The following NDUFAF6 variants were observed in gnomAD, a reference collection of about 807,000 sequenced individuals.
The protein encoded by NDUFAF6 is NADH:ubiquinone oxidoreductase complex assembly factor 6.
Under a neutral mutation model 40.8 loss-of-function variants are expected in NDUFAF6, and 45 were observed. The observed-to-expected ratio is 1.10, with a 90% CI of 0.87 to 1.42. The LOEUF is 1.42. Among genes scored for constraint, NDUFAF6 ranks in the 40% most tolerant of loss-of-function variants. The probability of loss-of-function intolerance (pLI) is 0.00; values close to 1 mark genes in which losing one functional copy is unlikely to be tolerated. For missense variants in NDUFAF6, 435 were observed against 418.5 expected (o/e 1.04, Z -0.34); for synonymous variants, 185 against 155.9 (o/e 1.19, Z -1.39).
chr8:95,109,068 T>G (rs928312587), intron 4 of NDUFAF6, among the ~76,000 whole-genome samples: 1 of 152,154 alleles, frequency 6.6e-6, no homozygotes, highest in African/African-American at 2.4e-5. Flanking sequence ...TGGGTGGAGT[T>G]AGATATAGAA....
chr8:95,021,309 A>C (rs1305442082), upstream of NDUFAF6, among the ~76,000 whole-genome samples: 1 of 152,260 alleles, frequency 6.6e-6, no homozygotes, highest in Non-Finnish European at 1.5e-5. Context: ...AGGACAATCC[A>C]GAAAGAGGGA....
At chr8:94,986,041 T>C (rs1825878687) in intron 2 of NDUFAF6, among the ~76,000 whole-genome samples, 1 of 151,924 alleles carries the variant, frequency 6.6e-6, no homozygotes, top group Non-Finnish European at 1.5e-5. Context: ...GCCCGGCTAA[T>C]TTTTCATGTT....
Position 95,019,159 on chromosome 8 carries a change from C to T in NDUFAF6, c.-83-12836C>T, listed in dbSNP as rs543783690. ...CCAAGTAGCTGGGACTACAGGTTTG[C>T]GCCACCATGCCCAGTTAATTTTTGT... is the stretch of plus-strand genomic sequence containing the variant. On this transcript the variant is annotated intron_variant, in intron 2 of 9. Transcript: ENST00000396111. Among the ~76,000 whole-genome samples, 384 of 152,250 alleles carry T rather than the reference C, an allele frequency of 2.5e-3. 4 individuals are homozygous for T. The highest frequency in any genetic ancestry group is 8.8e-3 in the African/African-American group (365 of 41,540).
At chr8:94,975,043 C>T (rs2131550867) in intron 1 of NDUFAF6, among the ~76,000 whole-genome samples, 1 of 152,340 alleles carries the variant, frequency 6.6e-6, no homozygotes, top group African/African-American at 2.4e-5. Context: ...CCTTTCTCAG[C>T]CCACCAACAT....
At chr8:94,972,435 C>T (rs1272601832) in intron 1 of NDUFAF6, among the ~76,000 whole-genome samples, 20 of 151,974 alleles carry the variant, frequency 1.3e-4, no homozygotes, top group African/African-American at 4.1e-4. Flanking sequence ...TATGGGGTTT[C>T]GCCATGTTGG....
At chr8:94,896,328 C>T (rs1406636634) in intron 1 of NDUFAF6, 1 of 149,506 alleles carries the variant, frequency 6.7e-6, no homozygotes, top group Non-Finnish European at 1.5e-5. Context: ...CGCGGGAGGG[C>T]GCCGTTCGCG....
At position 95,053,338 on chromosome 8, in the gene NDUFAF6, T is replaced by G. The variant is rs537056021; in HGVS notation, c.873+1108T>G. On this transcript the variant is annotated intron_variant, in intron 8 of 8. Transcript: ENST00000396124. ...TCATATACATATAATCATACATGTATTTTGTGTATGTCAACATGTTATTCT... is the reference window on the plus strand; with the variant it reads ...TCATATACATATAATCATACATGTAGTTTGTGTATGTCAACATGTTATTCT... 3.3e-5 allele frequency among the ~76,000 whole-genome samples: 5 copies of G among 152,332 alleles called. No individual in the cohort carries two copies. The East Asian group carries it at 9.6e-4, about 29-fold the overall frequency.
chr8:95,004,480 A>G (rs1826873576), intron 2 of NDUFAF6, among the ~76,000 whole-genome samples: 1 of 150,826 alleles, frequency 6.6e-6, no homozygotes, highest in South Asian at 2.1e-4. Context: ...CCTCCCAAGT[A>G]ACTAGGACTA....
intron 2 of NDUFAF6, among the ~76,000 whole-genome samples, chr8:94,996,585 G>A (rs757164395): frequency 2.6e-5 from 4 of 152,168 alleles, no homozygotes; most frequent in Non-Finnish European, 5.9e-5. Flanking sequence ...CCAGTGACCT[G>A]TGCTGGTAAA....
At chr8:94,979,528 G>A (rs1445395284) in intron 1 of NDUFAF6, among the ~76,000 whole-genome samples, 1 of 152,012 alleles carries the variant, frequency 6.6e-6, no homozygotes, top group Non-Finnish European at 1.5e-5. Context: ...GGAGATTTCA[G>A]CATGAGTTTA....
At chr8:94,924,572 C>T (rs1201851322) in intron 1 of NDUFAF6, among the ~76,000 whole-genome samples, 3 of 152,146 alleles carry the variant, frequency 2.0e-5, no homozygotes, top group Non-Finnish European at 4.4e-5. Context: ...TTGATGTGCC[C>T]ATCCCCACAA....
intron 1 of NDUFAF6, among the ~76,000 whole-genome samples, chr8:95,027,573 C>T (rs1392518792): frequency 7.3e-6 from 1 of 137,502 alleles, no homozygotes; most frequent in African/African-American, 2.8e-5. Flanking sequence ...AAATGAGACC[C>T]TGTCTCAAAA....
intron 1 of NDUFAF6, among the ~76,000 whole-genome samples, chr8:94,902,630 A>G (rs960939653): frequency 6.6e-6 from 1 of 150,400 alleles, no homozygotes; most frequent in African/African-American, 2.4e-5. Flanking sequence ...ATTATTAGCT[A>G]TTGTGAATAA....
At chr8:95,100,761 A>AT (rs1454812243) in intron 1 of NDUFAF6, among the ~76,000 whole-genome samples, 1 of 152,176 alleles carries the variant, frequency 6.6e-6, no homozygotes, top group Non-Finnish European at 1.5e-5. Context: ...ATTGTTTTCT[A>AT]TTTTTGTAGA....
chr8:95,105,329 C>G (rs941169703), downstream of NDUFAF6, among the ~76,000 whole-genome samples: 2 of 151,464 alleles, frequency 1.3e-5, no homozygotes, highest in African/African-American at 4.9e-5. Context: ...TCACAAAATA[C>G]TCCTCTTCTA....
chr8:95,075,741 G>T, exon 10 of NDUFAF6: 2 of 1,276,340 alleles, frequency 1.6e-6, no homozygotes, highest in South Asian at 2.5e-5. Context: ...CTAGGCATGC[G>T]CACTTCTCCA....
At chr8:94,939,138 T>G (rs1821276464) in intron 1 of NDUFAF6, among the ~76,000 whole-genome samples, 1 of 152,276 alleles carries the variant, frequency 6.6e-6, no homozygotes, top group East Asian at 1.9e-4. Context: ...TTTGTTAAAT[T>G]CTCAGACAAG....
intron 8 of NDUFAF6, among the ~76,000 whole-genome samples, chr8:95,052,646 C>T (rs536990650): frequency 1.3e-5 from 2 of 152,024 alleles, no homozygotes; most frequent in South Asian, 2.1e-4. Flanking sequence ...GTGACCTGAC[C>T]GTATTGTAGC....
intron 1 of NDUFAF6, among the ~76,000 whole-genome samples, chr8:94,909,162 A>G (rs968155877): frequency 2.0e-5 from 3 of 151,994 alleles, no homozygotes; most frequent in Middle Eastern, 3.2e-3. Context: ...CCTGACCAAC[A>G]TGGCGAAACC....
Sources: gnomAD v4.1 joint callset for allele counts (sites outside exome capture counted in the v4.1 genomes callset) on GRCh38, gnomAD v4.1.1 for gene constraint, MANE v1.5 for transcripts, NCBI Gene and HGNC (gene_info 2026-07-23, HGNC 2026-07-21) for gene names.